Variants in SPOCK3 observed in about 807,000 individuals in gnomAD.
SPOCK3 encodes the protein testican-3.
In SPOCK3, 30 loss-of-function variants were observed where a neutral mutation model predicts 56.6. That is an observed-to-expected ratio of 0.53 (90% CI 0.40 to 0.72). SPOCK3 has a LOEUF of 0.72. Ranked by LOEUF, SPOCK3 falls within the 30% of genes least tolerant of loss-of-function variation. The pLI, the probability that SPOCK3 is intolerant of heterozygous loss-of-function variation, is 0.00. For missense variants in SPOCK3, 527 were observed against 530.0 expected, an observed-to-expected ratio of 0.99 and a Z score of 0.06; for synonymous variants, 196 against 183.3, an observed-to-expected ratio of 1.07 and a Z score of -0.56.
chr4:166,860,815 A>ATATATATATATATATATATATATC (rs1182314094), intron 6 of SPOCK3, among the ~76,000 whole-genome samples: 1 of 144,634 alleles, frequency 6.9e-6, no homozygotes, highest in Non-Finnish European at 1.5e-5. Flanking sequence ...ATATATATAT[A>ATATATATATATATATATATATATC]TGTATATATA....
At chr4:166,880,186 TC>T (rs1193989608) in intron 6 of SPOCK3, among the ~76,000 whole-genome samples, 1 of 152,248 alleles carries the variant, frequency 6.6e-6, no homozygotes, top group Non-Finnish European at 1.5e-5. Flanking sequence ...GGTTGCTTTT[TC>T]TATAGTTACT....
At chr4:167,137,584 T>C (rs2150393125) in intron 2 of SPOCK3, among the ~76,000 whole-genome samples, 1 of 152,086 alleles carries the variant, frequency 6.6e-6, no homozygotes, top group South Asian at 2.1e-4. Context: ...TTATCAACTT[T>C]ACAACACTTT....
At chr4:166,862,975 T>G (rs572384511) in intron 6 of SPOCK3, among the ~76,000 whole-genome samples, 30 of 152,128 alleles carry the variant, frequency 2.0e-4, no homozygotes, top group African/African-American at 6.3e-4. Context: ...TCTCCAAGTT[T>G]GAAATGAAGG....
intron 6 of SPOCK3, among the ~76,000 whole-genome samples, chr4:166,798,009 C>G (rs1742149568): frequency 6.6e-6 from 1 of 152,082 alleles, no homozygotes; most frequent in African/African-American, 2.4e-5. Context: ...CTGAAACATT[C>G]CTATTGTCTA....
At chr4:166,834,190 A>G (rs540666261) in intron 6 of SPOCK3, among the ~76,000 whole-genome samples, 1 of 152,244 alleles carries the variant, frequency 6.6e-6, no homozygotes, top group Admixed American at 6.5e-5. Context: ...AGTCCACGGA[A>G]AATAACCTAG....
chr4:166,872,215 T>A (rs187964330), intron 6 of SPOCK3, among the ~76,000 whole-genome samples: 5 of 152,044 alleles, frequency 3.3e-5, no homozygotes, highest in African/African-American at 7.2e-5. Flanking sequence ...AAGACAAGAA[T>A]GAGTAATAGA....
intron 2 of SPOCK3, among the ~76,000 whole-genome samples, chr4:167,150,036 G>C (rs1479855915): frequency 6.6e-6 from 1 of 151,920 alleles, no homozygotes; most frequent in Non-Finnish European, 1.5e-5. Context: ...GACAATAACT[G>C]TTCAATAAAC....
intron 4 of SPOCK3, among the ~76,000 whole-genome samples, chr4:166,926,379 G>A (rs903109184): frequency 2.0e-5 from 3 of 152,086 alleles, no homozygotes; most frequent in Non-Finnish European, 2.9e-5. Context: ...TAGAACTTCA[G>A]TTTTCTCAAA....
chr4:167,146,591 C>G (rs559221764), intron 2 of SPOCK3, among the ~76,000 whole-genome samples: 1 of 151,984 alleles, frequency 6.6e-6, no homozygotes, highest in Non-Finnish European at 1.5e-5. Flanking sequence ...TGCGAAAGAA[C>G]GGAAATAATA....
chr4:166,791,600 A>T (rs1287745738), intron 7 of SPOCK3, among the ~76,000 whole-genome samples: 3 of 152,180 alleles, frequency 2.0e-5, no homozygotes, highest in African/African-American at 7.2e-5. Context: ...ACCCTATTTC[A>T]ATTTGTATTT....
At chr4:167,173,703 G>A (rs1468835335) in intron 2 of SPOCK3, among the ~76,000 whole-genome samples, 1 of 151,990 alleles carries the variant, frequency 6.6e-6, no homozygotes, top group Non-Finnish European at 1.5e-5. Flanking sequence ...CTTAATGCTG[G>A]GGTTTCAAAC....
At chr4:166,889,071 C>A in intron 6 of SPOCK3, 59 bp downstream of exon 6, 1 of 1,058,504 alleles carries the variant, frequency 9.4e-7, no homozygotes, top group Admixed American at 1.8e-5. Flanking sequence ...ACATCTATTG[C>A]AAAACATTTT....
intron 3 of SPOCK3, among the ~76,000 whole-genome samples, chr4:167,021,897 C>T (rs931101747): frequency 6.6e-6 from 1 of 151,848 alleles, no homozygotes; most frequent in African/African-American, 2.4e-5. Flanking sequence ...GTTTTTGGAC[C>T]CCAATTCTCC....
intron 6 of SPOCK3, among the ~76,000 whole-genome samples, chr4:166,881,955 A>G (rs1207471328): frequency 6.6e-6 from 1 of 152,200 alleles, no homozygotes; most frequent in Non-Finnish European, 1.5e-5. Context: ...TAATATTGGT[A>G]CAAGTAAATG....
At chr4:166,794,032 T>C (rs1379128152) in intron 6 of SPOCK3, among the ~76,000 whole-genome samples, 2 of 152,104 alleles carry the variant, frequency 1.3e-5, no homozygotes, top group South Asian at 2.1e-4. Context: ...GTGTGTGCTC[T>C]GTGCCCAGTG....
chr4:167,095,626 A>G (rs1375326583), intron 2 of SPOCK3, among the ~76,000 whole-genome samples: 1 of 151,948 alleles, frequency 6.6e-6, no homozygotes, highest in South Asian at 2.1e-4. Flanking sequence ...ATCAATTACT[A>G]CTCACCCATG....
intron 6 of SPOCK3, among the ~76,000 whole-genome samples, chr4:166,869,626 G>A (rs1261387866): frequency 6.6e-6 from 1 of 151,580 alleles, no homozygotes; most frequent in African/African-American, 2.4e-5. Context: ...GTGTGTGTGT[G>A]TGTGTGTGTG....
intron 2 of SPOCK3, among the ~76,000 whole-genome samples, chr4:167,147,938 C>T (rs1764109479): frequency 6.6e-6 from 1 of 151,876 alleles, no homozygotes; most frequent in African/African-American, 2.4e-5. Flanking sequence ...TGCACATGTA[C>T]CCCAGCACTT....
intron 6 of SPOCK3, among the ~76,000 whole-genome samples, chr4:166,873,339 A>G (rs1367610909): frequency 6.6e-6 from 1 of 152,136 alleles, no homozygotes; most frequent in East Asian, 1.9e-4. Flanking sequence ...GTCATTATAA[A>G]TTTCTCCAAG....
Sources: gnomAD v4.1 joint callset for allele counts (sites outside exome capture counted in the v4.1 genomes callset) on GRCh38, gnomAD v4.1.1 for gene constraint, MANE v1.5 for transcripts, NCBI Gene and HGNC (gene_info 2026-07-23, HGNC 2026-07-21) for gene names.